The following DLD variants were observed in gnomAD, a reference collection of about 807,000 sequenced individuals.
The protein encoded by DLD is dihydrolipoamide dehydrogenase, also known as dihydrolipoyl dehydrogenase, mitochondrial.
A neutral mutation model predicts 62.2 loss-of-function variants in DLD; 36 were observed. The observed-to-expected ratio is 0.58, with a 90% CI of 0.44 to 0.76. DLD has a LOEUF of 0.76. Ranked by LOEUF, DLD falls within the 30% of genes least tolerant of loss-of-function variation. DLD has a pLI of 0.00. For missense variants in DLD, 541 were observed against 608.6 expected (o/e 0.89, Z 1.17); for synonymous variants, 204 against 199.6 (o/e 1.02, Z -0.19).
Position 107,903,462 on chromosome 7 carries a change from T to C in DLD, c.268-16T>C. 1 of 1,483,076 alleles carries C rather than the reference T, an allele frequency of 6.7e-7. No homozygotes were observed. The highest frequency in any genetic ancestry group is 9.4e-7 in the Non-Finnish European group (1 of 1,062,440). The allele number at this position is 1,483,076 out of a possible 1,614,324, so 91.9% of individuals were successfully genotyped here. A position where few individuals can be genotyped will look rare whatever the true frequency, so the allele number is the denominator to read the frequency against. On this transcript the variant is annotated splice_polypyrimidine_tract_variant and intron_variant, in intron 4 of 13. Coordinates refer to ENST00000205402, the MANE Select transcript of DLD (RefSeq NM_000108.5). ...TTATGAATATTTGATAATTTGATCT[T>C]TTTAATTTCCTTTAGGCTTTATTGA...
At position 107,901,734 on chromosome 7, in the gene DLD, G is replaced by A. The variant is rs376605135; in HGVS notation, c.119-4G>A. The A allele has an allele frequency of 6.9e-5, 111 of 1,612,254 alleles. No individual in the cohort carries two copies. Among genetic ancestry groups the A allele is most frequent in the Middle Eastern group, 1.7e-4 (1 of 6,052 alleles). ...TATTTTATATCAATTTGCTTTTATC[G>A]TAGTTGATGCTGATGTAACAGTTAT... On this transcript the variant is annotated splice_polypyrimidine_tract_variant and splice_region_variant and intron_variant, in intron 2 of 13. Transcript: ENST00000205402.
rs535396436 is a variant in DLD at position 107,891,193 on chromosome 7, C to T, written c.-58C>T. On this transcript the variant is annotated 5_prime_UTR_variant, in exon 1 of 14. Transcript: ENST00000205402. ...GCAGGGAGGGGAGACCTTGGCGGAG[C>T]GGCGGAGGCGCCCAGCGGAGGTGAA... 4 of 1,604,324 alleles carry T rather than the reference C, an allele frequency of 2.5e-6. No individual in the cohort carries two copies. The highest frequency in any genetic ancestry group is 2.2e-5 in the East Asian group (1 of 44,804).
In DLD at chr7:107,902,321, G is replaced by T. The variant is rs763348101; in HGVS notation, c.199-4G>T. 1.2e-5 allele frequency: 20 copies of T among 1,613,022 alleles called. No individual in the cohort carries two copies. The East Asian group carries it at 4.5e-4, about 36-fold the overall frequency. ...CAGTTAAATAATGTTTTCTTTGGTTGTAGACAGTCTGCATTGAGAAAAATG... is the reference window on the plus strand; with the variant it reads ...CAGTTAAATAATGTTTTCTTTGGTTTTAGACAGTCTGCATTGAGAAAAATG... On this transcript the variant is annotated splice_polypyrimidine_tract_variant and splice_region_variant and intron_variant, in intron 3 of 13. Coordinates refer to ENST00000205402, the MANE Select transcript of DLD (RefSeq NM_000108.5).
intron 2 of DLD, chr7:107,893,562 A>G (rs1024749505): frequency 1.6e-5 from 4 of 256,688 alleles, no homozygotes; most frequent in East Asian, 1.8e-4. Context: ...AAAGCAGGTA[A>G]TAGGGAGGAA....
chr7:107,910,448 T>C (rs558473022), intron 8 of DLD, among the ~76,000 whole-genome samples: 1 of 152,380 alleles, frequency 6.6e-6, no homozygotes, highest in Non-Finnish European at 1.5e-5. Context: ...TAAAAACTTA[T>C]TAGAGAATTT....
chr7:107,909,676 G>A (rs745739057), intron 8 of DLD, among the ~76,000 whole-genome samples: 1 of 152,014 alleles, frequency 6.6e-6, no homozygotes, highest in African/African-American at 2.4e-5. Flanking sequence ...GATTAATAAT[G>A]TCTTCTAGTA....
intron 2 of DLD, among the ~76,000 whole-genome samples, chr7:107,900,305 TGTTTTTGGGG>T (rs2031845576): frequency 6.6e-6 from 1 of 152,094 alleles, no homozygotes; most frequent in African/African-American, 2.4e-5. Flanking sequence ...TAGGGATGTG[TGTTTTTGGGG>T]AGAGGGGGTG....
chr7:107,903,386 G>A, intron 4 of DLD, 92 bp from the exon 5 acceptor site: 1 of 858,094 alleles, frequency 1.2e-6, no homozygotes, highest in South Asian at 1.4e-5. Flanking sequence ...CTCAAAAAAT[G>A]AAAAGAAAGA....
At chr7:107,892,116 G>A (rs983444766) in intron 1 of DLD, among the ~76,000 whole-genome samples, 1 of 152,126 alleles carries the variant, frequency 6.6e-6, no homozygotes, top group African/African-American at 2.4e-5. Flanking sequence ...CTGCTTTTTG[G>A]GTTTGCTGTC....
chr7:107,917,454 A>C lies in DLD; in HGVS notation c.1228A>C (p.Lys410Gln), dbSNP rs886061907. The C allele has an allele frequency of 6.2e-7, 1 of 1,613,970 alleles. No homozygotes were observed. The highest frequency in any genetic ancestry group is 8.5e-7 in the Non-Finnish European group (1 of 1,179,958). ...AWVGKSEEQL[K>Q]EEGIEYKVGK... The stretch of plus-strand genomic sequence containing the variant: ...GGTTGGCAAATCAGAAGAGCAGTTG[A>C]AAGAAGAGGTAAGTCTGAACATGGG... Residue 410 changes from lysine (K) to glutamine (Q), a missense_variant, in exon 11 of 14, where the codon AAA becomes CAA. Transcript: ENST00000205402.
intron 9 of DLD, 109 bp downstream of exon 9, chr7:107,915,805 AT>A: frequency 1.1e-6 from 1 of 910,244 alleles, no homozygotes; most frequent in Non-Finnish European, 1.7e-6. Flanking sequence ...ACTTAAGGTC[AT>A]TTTATTACTT....
chr7:107,908,291 C>T (rs1446729522), intron 8 of DLD, among the ~76,000 whole-genome samples: 1 of 151,698 alleles, frequency 6.6e-6, no homozygotes, highest in East Asian at 1.9e-4. Context: ...GCTGAGACTA[C>T]AGGCGCCCGC....
intron 2 of DLD, 152 bp from the exon 3 acceptor site, chr7:107,901,586 G>T: frequency 1.5e-6 from 1 of 659,486 alleles, no homozygotes; most frequent in Non-Finnish European, 2.7e-6. Flanking sequence ...GCATCAAGTA[G>T]TAGTAATAAA....
intron 12 of DLD, among the ~76,000 whole-genome samples, chr7:107,918,758 G>A (rs1362243220): frequency 6.6e-6 from 1 of 152,176 alleles, no homozygotes; most frequent in Non-Finnish European, 1.5e-5. Flanking sequence ...TGAAGAAACT[G>A]AATGAAGCAC....
Position 107,893,191 on chromosome 7 carries a change from T to C in DLD, c.40-9T>C. 1 of 1,612,276 alleles carries C rather than the reference T, an allele frequency of 6.2e-7. No homozygotes were observed. The highest frequency in any genetic ancestry group is 8.5e-7 in the Non-Finnish European group (1 of 1,178,726). The stretch of plus-strand genomic sequence containing the variant: ...TATCTTACATAATAGGGACATTTTC[T>C]TTTTCTAGAGAGGCCATTTCAATCG... On this transcript the variant is annotated splice_polypyrimidine_tract_variant and intron_variant, in intron 1 of 13. Coordinates refer to ENST00000205402, the MANE Select transcript of DLD (RefSeq NM_000108.5).
At chr7:107,902,237 G>T in intron 3 of DLD, 88 bp from the exon 4 acceptor site, 1 of 1,148,454 alleles carries the variant, frequency 8.7e-7, no homozygotes, top group Non-Finnish European at 1.3e-6. Context: ...AGCTTGTTTT[G>T]TAGAAGAATT....
intron 2 of DLD, among the ~76,000 whole-genome samples, chr7:107,900,005 A>G (rs1285518726): frequency 1.3e-5 from 2 of 152,084 alleles, no homozygotes; most frequent in Non-Finnish European, 2.9e-5. Flanking sequence ...TTTATTAGAT[A>G]CTTAATTCTG....
intron 8 of DLD, among the ~76,000 whole-genome samples, chr7:107,912,465 C>T (rs1410987816): frequency 6.6e-6 from 1 of 152,084 alleles, no homozygotes; most frequent in Non-Finnish European, 1.5e-5. Flanking sequence ...GAGGGTTCTC[C>T]TTTCTCCACA....
chr7:107,919,099 G>A lies in DLD; in HGVS notation c.1464G>A (p.Pro488=), dbSNP rs760788506. The A allele has an allele frequency of 6.2e-6, 10 of 1,613,296 alleles. No individual in the cohort carries two copies. The highest frequency in any genetic ancestry group is 1.3e-5 in the African/African-American group (1 of 74,992). ...EDIARVCHAH[P]TLSEAFREAN... is the part of the protein sequence containing the mutation. ...TAGCTAGAGTCTGTCATGCACATCCGGTAATTATTAACAACATATAGAATT... is the reference window on the plus strand; with the variant it reads ...TAGCTAGAGTCTGTCATGCACATCCAGTAATTATTAACAACATATAGAATT... Residue 488 remains proline (P), a splice_region_variant and synonymous_variant, in exon 13 of 14, where the codon CCG becomes CCA. Coordinates refer to ENST00000205402, the MANE Select transcript of DLD (RefSeq NM_000108.5).
Sources: gnomAD v4.1 joint callset for allele counts (sites outside exome capture counted in the v4.1 genomes callset) on GRCh38, gnomAD v4.1.1 for gene constraint, MANE v1.5 for transcripts, NCBI Gene and HGNC (gene_info 2026-07-23, HGNC 2026-07-21) for gene names.